SPINK9: variants seen among roughly 807,000 people sequenced by gnomAD.
The protein encoded by SPINK9 is serine protease inhibitor Kazal-type 9.
Under a neutral mutation model 10.8 loss-of-function variants are expected in SPINK9, and 3 were observed. The observed-to-expected ratio is 0.28, with a 90% CI of 0.13 to 0.72. The LOEUF (loss-of-function observed/expected upper bound fraction) is 0.72. Among genes scored for constraint, SPINK9 ranks in the 30% least tolerant of loss-of-function variants. The pLI, the probability that SPINK9 is intolerant of heterozygous loss-of-function variation, is 0.74. For missense variants in SPINK9, 101 were observed against 103.2 expected, an observed-to-expected ratio of 0.98 and a Z score of 0.09; for synonymous variants, 30 against 31.2, an observed-to-expected ratio of 0.96 and a Z score of 0.12.
chr5:148,327,928 G>A (rs1198966304), intron 2 of SPINK9, among the ~76,000 whole-genome samples: 14 of 151,970 alleles, frequency 9.2e-5, no homozygotes, highest in South Asian at 6.2e-4. Context: ...ATAGTTTGAA[G>A]TCAGGTAGCA....
At chr5:148,336,491 T>C in intron 2 of SPINK9, 38 bp downstream of exon 2, 1 of 1,590,700 alleles carries the variant, frequency 6.3e-7, no homozygotes, top group Non-Finnish European at 8.6e-7. Context: ...AATTTTAAAG[T>C]CAATATCAGT....
At chr5:148,337,928 A>G (rs1206453568) in intron 2 of SPINK9, among the ~76,000 whole-genome samples, 1 of 152,124 alleles carries the variant, frequency 6.6e-6, no homozygotes, top group Non-Finnish European at 1.5e-5. Context: ...AATTTAGAAC[A>G]CTGGTTCCCA....
chr5:148,332,453 A>G (rs1257230924), upstream of SPINK9, among the ~76,000 whole-genome samples: 1 of 152,216 alleles, frequency 6.6e-6, no homozygotes, highest in African/African-American at 2.4e-5. Flanking sequence ...AATGGAAGTA[A>G]ATAGCGATAC....
At chr5:148,326,428 G>A (rs1041413885) in intron 2 of SPINK9, among the ~76,000 whole-genome samples, 4 of 152,124 alleles carry the variant, frequency 2.6e-5, no homozygotes, top group Admixed American at 2.6e-4. Context: ...TAGTCAACGA[G>A]ATGTCTGCAT....
chr5:148,327,874 T>A (rs1307927441), intron 2 of SPINK9, among the ~76,000 whole-genome samples: 6 of 152,206 alleles, frequency 3.9e-5, no homozygotes, highest in Admixed American at 2.6e-4. Context: ...TATCTTTGTT[T>A]TTGTACCAGT....
At chr5:148,324,370 A>C (rs200849375) in intron 2 of SPINK9, among the ~76,000 whole-genome samples, 1 of 152,140 alleles carries the variant, frequency 6.6e-6, no homozygotes, top group East Asian at 1.9e-4. Context: ...CTCGTCATAA[A>C]GTTTATTAAT....
chr5:148,338,416 C>A, intron 2 of SPINK9, 62 bp from the exon 3 acceptor site: 2 of 1,522,892 alleles, frequency 1.3e-6, no homozygotes, highest in Non-Finnish European at 8.8e-7. Context: ...CTTGAAAAAT[C>A]CTAAATCCTG....
chr5:148,330,893 C>T (rs1757139737), upstream of SPINK9, among the ~76,000 whole-genome samples: 1 of 152,224 alleles, frequency 6.6e-6, no homozygotes. Flanking sequence ...GAGCCATGTG[C>T]AGGATATAAT....
upstream of SPINK9, among the ~76,000 whole-genome samples, chr5:148,330,842 C>A (rs1171881640): frequency 1.3e-5 from 2 of 152,208 alleles, no homozygotes; most frequent in Non-Finnish European, 2.9e-5. Context: ...CCCCCACTCT[C>A]TTCTGGCTTA....
At chr5:148,321,585 A>C (rs1404591544) in intron 1 of SPINK9, among the ~76,000 whole-genome samples, 1 of 152,026 alleles carries the variant, frequency 6.6e-6, no homozygotes, top group Non-Finnish European at 1.5e-5. Flanking sequence ...TCCAAGTCCA[A>C]GTCCAATCCT....
At position 148,324,448 on chromosome 5, in the gene SPINK9, T is replaced by C. The variant is rs546905474; in HGVS notation, c.118+580T>C. Reference sequence around the variant, plus strand: ...ACTGCCCTTACTCAAGTGATCAAAGTTGACATCATTAATGATAGGCAAATC... The same window carrying C: ...ACTGCCCTTACTCAAGTGATCAAAGCTGACATCATTAATGATAGGCAAATC... On this transcript the variant is annotated intron_variant, in intron 2 of 4. Transcript: ENST00000511717. 2.0e-4 allele frequency among the ~76,000 whole-genome samples: 31 copies of C among 152,148 alleles called. 1 individual carries two copies. The highest frequency in any genetic ancestry group is 1.9e-3 in the Admixed American group (29 of 15,256).
At position 148,329,232 on chromosome 5, in the gene SPINK9, G is replaced by C. The variant is rs539626982; in HGVS notation, c.118+5364G>C. On this transcript the variant is annotated intron_variant, in intron 2 of 4. Transcript: ENST00000511717. ...TTCAACTTCTTCCTGGTTTAGTCTTGGGAGAGTGTATGTGTTGAAGAATTT... is the reference window on the plus strand; with the variant it reads ...TTCAACTTCTTCCTGGTTTAGTCTTCGGAGAGTGTATGTGTTGAAGAATTT... Among the ~76,000 whole-genome samples the C allele has an allele frequency of 2.0e-5, 3 of 152,242 alleles. No individual in the cohort carries two copies. The East Asian group carries it at 5.8e-4, about 29-fold the overall frequency.
intron 1 of SPINK9, among the ~76,000 whole-genome samples, 186 bp downstream of exon 1, chr5:148,335,854 C>T (rs1393225554): frequency 6.6e-6 from 1 of 152,176 alleles, no homozygotes; most frequent in African/African-American, 2.4e-5. Flanking sequence ...TGGATGTTAA[C>T]AGTCATCTAA....
In SPINK9 at chr5:148,338,569, CT is replaced by C; in HGVS notation, c.181del (p.Tyr61IlefsTer31). The stretch of plus-strand genomic sequence containing the variant: ...CCAATTTGTGGATCTGATGGCAAAA[CT>C]TATAAAAATGATTGCTTCTTCTGTT... The part of the protein sequence containing the change: ...YDPICGSDGK[T>X]YKNDCFFCSK... On this transcript the variant is annotated frameshift_variant, in exon 3 of 4. Transcript: ENST00000377906. LOFTEE classifies it low-confidence loss of function (END_TRUNC). The C allele has an allele frequency of 1.3e-6, 2 of 1,599,490 alleles. No homozygotes were observed. The highest frequency in any genetic ancestry group is 1.7e-6 in the Non-Finnish European group (2 of 1,168,748).
chr5:148,327,877 G>C (rs1392775660), intron 2 of SPINK9, among the ~76,000 whole-genome samples: 1 of 152,138 alleles, frequency 6.6e-6, no homozygotes, highest in Non-Finnish European at 1.5e-5. Flanking sequence ...CTTTGTTTTT[G>C]TACCAGTACC....
chr5:148,336,238 A>G (rs528493859), intron 1 of SPINK9, among the ~76,000 whole-genome samples, 184 bp from the exon 2 acceptor site: 1 of 152,088 alleles, frequency 6.6e-6, no homozygotes, highest in Admixed American at 6.5e-5. Context: ...TCCAAAAAAG[A>G]AAAAAAATTT....
chr5:148,323,756 C>A, exon 2 of SPINK9: 1 of 698,410 alleles, frequency 1.4e-6, no homozygotes. Flanking sequence ...TCTTTATGGT[C>A]TTTATGAATC....
chr5:148,337,677 A>G (rs1402033793), intron 2 of SPINK9, among the ~76,000 whole-genome samples: 3 of 139,786 alleles, frequency 2.1e-5, no homozygotes, highest in East Asian at 2.7e-4. Flanking sequence ...CATTGTACAC[A>G]TATCTTTTCA....
chr5:148,329,206 A>T (rs1271475796), intron 2 of SPINK9, among the ~76,000 whole-genome samples: 1 of 152,148 alleles, frequency 6.6e-6, no homozygotes, highest in African/African-American at 2.4e-5. Flanking sequence ...CTATTCAGAG[A>T]TTCAACTTCT....
Sources: allele counts gnomAD v4.1 joint callset (sites outside exome capture counted in the v4.1 genomes callset), GRCh38; gene constraint gnomAD v4.1.1; transcripts MANE v1.5; gene names NCBI Gene and HGNC (gene_info 2026-07-23, HGNC 2026-07-21).